Variants in TRAF3 observed in about 807,000 individuals in gnomAD.
The protein encoded by TRAF3 is TNF receptor associated factor 3.
In TRAF3, 13 loss-of-function variants were observed where a neutral mutation model predicts 62.3. That is an observed-to-expected ratio of 0.21 (90% confidence interval 0.14 to 0.33). The LOEUF (loss-of-function observed/expected upper bound fraction) is 0.33. Ranked by LOEUF, TRAF3 falls within the 10% of genes least tolerant of loss-of-function variation. The pLI is 1.00. For missense variants in TRAF3, 440 were observed against 741.8 expected (o/e 0.59, Z 4.73); for synonymous variants, 269 against 283.4 (o/e 0.95, Z 0.51).
Position 102,911,493 on chromosome 14 carries a change from G to C in TRAF3, c.*5709G>C, listed in dbSNP as rs1890865968. ...TTAGAGGAAAATAAATCTGATTATGGAGTCTCAGTCTCTGATCACACCGTC... is the reference window on the plus strand; with the variant it reads ...TTAGAGGAAAATAAATCTGATTATGCAGTCTCAGTCTCTGATCACACCGTC... On this transcript the variant is annotated 3_prime_UTR_variant, in exon 12 of 12. Coordinates refer to ENST00000392745, the MANE Select transcript of TRAF3 (RefSeq NM_145725.3). 1 of 152,214 alleles carries C rather than the reference G, an allele frequency of 6.6e-6. No homozygotes were observed. The allele number at this position is 152,214 out of a possible 1,614,324, so 9.4% of individuals were successfully genotyped here.
intron 2 of TRAF3, among the ~76,000 whole-genome samples, chr14:102,845,828 G>T (rs1427795861): frequency 6.6e-6 from 1 of 151,544 alleles, no homozygotes; most frequent in African/African-American, 2.4e-5. Flanking sequence ...AAAAAGTTTT[G>T]AATTTGCTGG....
At chr14:102,813,640 G>A (rs1195086194) in intron 1 of TRAF3, among the ~76,000 whole-genome samples, 1 of 151,736 alleles carries the variant, frequency 6.6e-6, no homozygotes, top group African/African-American at 2.4e-5. Context: ...TAATAGAGAT[G>A]GGAGTTTGCC....
At chr14:102,804,023 G>A (rs1898612592) in intron 1 of TRAF3, among the ~76,000 whole-genome samples, 2 of 152,014 alleles carry the variant, frequency 1.3e-5, no homozygotes, top group South Asian at 4.2e-4. Flanking sequence ...AGAATTAGCT[G>A]GGCATGTTAG....
intron 1 of TRAF3, among the ~76,000 whole-genome samples, chr14:102,809,972 G>A (rs903127986): frequency 5.3e-5 from 8 of 152,164 alleles, no homozygotes; most frequent in African/African-American, 1.9e-4. Flanking sequence ...GTTGGAGCAC[G>A]GCATGGCAGT....
At chr14:102,869,748 G>A (rs892563725) in intron 2 of TRAF3, among the ~76,000 whole-genome samples, 1 of 151,528 alleles carries the variant, frequency 6.6e-6, no homozygotes, top group Non-Finnish European at 1.5e-5. Context: ...GGAGCTTGCA[G>A]TGAGCCAAGA....
intron 1 of TRAF3, among the ~76,000 whole-genome samples, chr14:102,807,432 CA>C (rs568527995): frequency 5.9e-5 from 9 of 152,336 alleles, no homozygotes; most frequent in Admixed American, 5.2e-4. Context: ...CAGCCATCCC[CA>C]CAGGGCTGTG....
At chr14:102,807,838 G>A (rs1196923985) in intron 1 of TRAF3, among the ~76,000 whole-genome samples, 1 of 152,176 alleles carries the variant, frequency 6.6e-6, no homozygotes. Context: ...GATGTTGTTA[G>A]TAAGCTTTTG....
At chr14:102,800,315 G>A (rs917521284) in intron 1 of TRAF3, among the ~76,000 whole-genome samples, 1 of 152,198 alleles carries the variant, frequency 6.6e-6, no homozygotes, top group South Asian at 2.1e-4. Context: ...CAGACCTGCC[G>A]ACTCACAGTC....
chr14:102,780,399 C>T (rs555928395), intron 1 of TRAF3, among the ~76,000 whole-genome samples: 10 of 152,120 alleles, frequency 6.6e-5, no homozygotes, highest in Non-Finnish European at 1.2e-4. Context: ...TACAAAATGG[C>T]TTTCTCATTT....
At chr14:102,797,294 A>G (rs1210134803) in intron 1 of TRAF3, among the ~76,000 whole-genome samples, 1 of 152,220 alleles carries the variant, frequency 6.6e-6, no homozygotes, top group Non-Finnish European at 1.5e-5. Context: ...TCAACCTGAA[A>G]AAATTGGTCT....
At chr14:102,788,054 A>G (rs1897596529) in intron 1 of TRAF3, among the ~76,000 whole-genome samples, 2 of 151,366 alleles carry the variant, frequency 1.3e-5, no homozygotes, top group Admixed American at 6.6e-5. Flanking sequence ...GGGTTTCACC[A>G]TTGTTGACCA....
intron 9 of TRAF3, among the ~76,000 whole-genome samples, chr14:102,895,748 T>C (rs1393223313): frequency 6.6e-6 from 1 of 152,204 alleles, no homozygotes; most frequent in African/African-American, 2.4e-5. Flanking sequence ...CAGGTGTTAA[T>C]TTGTCTTTGG....
intron 1 of TRAF3, among the ~76,000 whole-genome samples, chr14:102,821,017 C>G (rs556003845): frequency 6.6e-6 from 1 of 152,182 alleles, no homozygotes; most frequent in African/African-American, 2.4e-5. Context: ...AGAGCTAATT[C>G]TGAAATATGC....
At chr14:102,846,890 T>C (rs1886759727) in intron 2 of TRAF3, among the ~76,000 whole-genome samples, 1 of 152,290 alleles carries the variant, frequency 6.6e-6, no homozygotes, top group South Asian at 2.1e-4. Context: ...TGGGGTCAGA[T>C]AGAGGCACCC....
chr14:102,789,594 A>ATATG (rs139710242), intron 1 of TRAF3, among the ~76,000 whole-genome samples: 2 of 148,686 alleles, frequency 1.3e-5, no homozygotes, highest in Non-Finnish European at 3.0e-5. Flanking sequence ...AAAAGGATAT[A>ATATG]TGTGTGTGTG....
intron 7 of TRAF3, among the ~76,000 whole-genome samples, chr14:102,886,504 C>G (rs1889398278): frequency 6.6e-6 from 1 of 152,120 alleles, no homozygotes; most frequent in Non-Finnish European, 1.5e-5. Context: ...ACCTGTAATC[C>G]CAGCACTTTT....
chr14:102,823,013 A>C (rs1428889202), intron 1 of TRAF3, among the ~76,000 whole-genome samples: 3 of 152,048 alleles, frequency 2.0e-5, no homozygotes, highest in African/African-American at 7.2e-5. Flanking sequence ...TCTCAAAAAA[A>C]AAAAAAAGAA....
At chr14:102,833,702 T>C (rs1291095220) in intron 2 of TRAF3, among the ~76,000 whole-genome samples, 1 of 152,190 alleles carries the variant, frequency 6.6e-6, no homozygotes, top group Non-Finnish European at 1.5e-5. Context: ...TTTAAAAATA[T>C]TCGGGCATGT....
chr14:102,843,201 T>C (rs1257625171), intron 2 of TRAF3, among the ~76,000 whole-genome samples: 1 of 147,240 alleles, frequency 6.8e-6, no homozygotes, highest in Non-Finnish European at 1.5e-5. Context: ...AGACTCCATC[T>C]CAAAAAAAAA....
Sources: gnomAD v4.1 joint callset for allele counts (sites outside exome capture counted in the v4.1 genomes callset) on GRCh38, gnomAD v4.1.1 for gene constraint, MANE v1.5 for transcripts, NCBI Gene and HGNC (gene_info 2026-07-23, HGNC 2026-07-21) for gene names.